The following CYP39A1 variants were observed in gnomAD, a reference collection of about 807,000 sequenced individuals.
CYP39A1 encodes the protein 24-hydroxycholesterol 7-alpha-hydroxylase.
Under a neutral mutation model 58.1 loss-of-function variants are expected in CYP39A1, and 49 were observed. The observed-to-expected ratio is 0.84, with a 90% CI of 0.67 to 1.07. The LOEUF is 1.07. CYP39A1 is among the 50% of genes least tolerant of loss of function. The pLI is 0.00. For missense variants in CYP39A1, 531 were observed against 539.4 expected, an observed-to-expected ratio of 0.98 and a Z score of 0.16; for synonymous variants, 209 against 187.6, an observed-to-expected ratio of 1.11 and a Z score of -0.93.
At position 46,608,283 on chromosome 6, in the gene CYP39A1, GA is replaced by G. The variant is rs578072737; in HGVS notation, c.932-12164del. Among the ~76,000 whole-genome samples the G allele has an allele frequency of 4.1e-3, 617 of 152,254 alleles. 4 individuals are homozygous for G. Among genetic ancestry groups the G allele is most frequent in the Admixed American group, 0.017 (259 of 15,292 alleles). ...CAATTCCTGTGAGAAAATAAGGGCA[GA>G]AAACTGTAACTGTTCAGATTTCTGG... On this transcript the variant is annotated intron_variant, in intron 7 of 11. Transcript: ENST00000275016.
At chr6:46,559,716 G>A (rs1415901744) in intron 10 of CYP39A1, among the ~76,000 whole-genome samples, 2 of 151,970 alleles carry the variant, frequency 1.3e-5, no homozygotes, top group Admixed American at 1.3e-4. Context: ...GAACACCAAG[G>A]GTCAAATTTA....
intron 11 of CYP39A1, among the ~76,000 whole-genome samples, chr6:46,552,890 T>C (rs1582277573): frequency 1.3e-5 from 2 of 151,624 alleles, no homozygotes; most frequent in South Asian, 4.2e-4. Context: ...CTACTAAAAA[T>C]ACAAAAAATT....
chr6:46,608,125 A>G (rs760628286), intron 7 of CYP39A1, among the ~76,000 whole-genome samples: 8 of 152,262 alleles, frequency 5.3e-5, no homozygotes, highest in Non-Finnish European at 1.0e-4. Flanking sequence ...TACAATAGTA[A>G]TATCTTCAAA....
chr6:46,585,841 C>A (rs2150508827), intron 10 of CYP39A1, among the ~76,000 whole-genome samples: 1 of 152,234 alleles, frequency 6.6e-6, no homozygotes, highest in South Asian at 2.1e-4. Context: ...CTACAGACTG[C>A]ACCATCATAC....
intron 10 of CYP39A1, among the ~76,000 whole-genome samples, chr6:46,565,695 A>C (rs1055763298): frequency 6.6e-6 from 1 of 152,156 alleles, no homozygotes; most frequent in Admixed American, 6.6e-5. Context: ...TGCTTGGACC[A>C]AGGAGCAGGG....
chr6:46,609,394 G>A (rs1447739292), intron 7 of CYP39A1, among the ~76,000 whole-genome samples: 2 of 150,084 alleles, frequency 1.3e-5, no homozygotes, highest in Non-Finnish European at 1.5e-5. Context: ...TCCAGCCTGG[G>A]CGACAGCGAG....
intron 8 of CYP39A1, among the ~76,000 whole-genome samples, chr6:46,591,796 AT>A (rs1246129992): frequency 6.6e-6 from 1 of 152,038 alleles, no homozygotes; most frequent in Non-Finnish European, 1.5e-5. Flanking sequence ...CTTTACATTG[AT>A]TTATTAAAAG....
intron 7 of CYP39A1, among the ~76,000 whole-genome samples, chr6:46,611,606 T>C (rs146600357): frequency 5.8e-4 from 88 of 152,326 alleles, no homozygotes; most frequent in African/African-American, 2.1e-3. Context: ...TTCTCTCATA[T>C]TTTAAAAAAG....
intron 7 of CYP39A1, among the ~76,000 whole-genome samples, chr6:46,623,631 T>C (rs1775115982): frequency 6.6e-6 from 1 of 152,194 alleles, no homozygotes; most frequent in Non-Finnish European, 1.5e-5. Flanking sequence ...GAGTTTTCTC[T>C]CTCTCTTTAT....
intron 1 of CYP39A1, among the ~76,000 whole-genome samples, chr6:46,648,061 G>C (rs1465345467): frequency 6.6e-5 from 10 of 152,166 alleles, no homozygotes; most frequent in African/African-American, 2.2e-4. Context: ...TACACTGTTG[G>C]TGGGACTGTA....
In CYP39A1 at chr6:46,652,481, G is replaced by T; in HGVS notation, c.102C>A (p.Gly34=). ...ATCCAACTCCAATCCAAGGAATCCA[G>T]CCCTTGATGCACGGGGGTCTACGCA... The part of the protein sequence containing the change: ...KNLRRPPCIK[G]WIPWIGVGFE... Residue 34 remains glycine, a synonymous_variant, in exon 1 of 12, where the codon GGC becomes GGA. Coordinates refer to ENST00000275016, the MANE Select transcript of CYP39A1 (RefSeq NM_016593.5). 1.2e-6 allele frequency: 2 copies of T among 1,613,928 alleles called. No homozygotes were observed. The highest frequency in any genetic ancestry group is 1.7e-6 in the Non-Finnish European group (2 of 1,179,928).
intron 10 of CYP39A1, among the ~76,000 whole-genome samples, chr6:46,557,384 T>C (rs1441810478): frequency 1.3e-5 from 2 of 151,774 alleles, no homozygotes; most frequent in Admixed American, 6.6e-5. Flanking sequence ...TTCATGCCTG[T>C]AATCTCAGCA....
chr6:46,610,351 G>A (rs1236974836), intron 7 of CYP39A1, among the ~76,000 whole-genome samples: 1 of 152,020 alleles, frequency 6.6e-6, no homozygotes, highest in South Asian at 2.1e-4. Flanking sequence ...TACATTTCAC[G>A]TATACAAAGA....
Position 46,630,020 on chromosome 6 carries a change from C to G in CYP39A1, c.840+943G>C, listed in dbSNP as rs751680517. On this transcript the variant is annotated intron_variant, in intron 6 of 11. Coordinates refer to ENST00000275016, the MANE Select transcript of CYP39A1 (RefSeq NM_016593.5). ...CTGAGGCAGGGGAATCGCTTGAACC[C>G]GGGAAGCAGAGGTTGCAGTGAGCCG... is the stretch of plus-strand genomic sequence containing the variant. Among the ~76,000 whole-genome samples the G allele has an allele frequency of 2.4e-4, 37 of 151,948 alleles. 2 individuals are homozygous for G. The highest frequency in any genetic ancestry group is 7.0e-4 in the African/African-American group (29 of 41,376).
chr6:46,615,006 A>T (rs528702499), intron 7 of CYP39A1, among the ~76,000 whole-genome samples: 1 of 152,096 alleles, frequency 6.6e-6, no homozygotes, highest in African/African-American at 2.4e-5. Context: ...CCATTTCTTT[A>T]TTTCAGTAAC....
At chr6:46,582,754 T>A (rs1772208823) in intron 10 of CYP39A1, among the ~76,000 whole-genome samples, 1 of 152,056 alleles carries the variant, frequency 6.6e-6, no homozygotes, top group Non-Finnish European at 1.5e-5. Flanking sequence ...AGAAATGTTA[T>A]GAGTCTTTGA....
chr6:46,564,451 C>A (rs936321445), intron 10 of CYP39A1, among the ~76,000 whole-genome samples: 1 of 152,080 alleles, frequency 6.6e-6, no homozygotes, highest in African/African-American at 2.4e-5. Context: ...CCATCTCAAC[C>A]TCCCAAAATG....
At chr6:46,607,979 T>C (rs1187293110) in intron 7 of CYP39A1, among the ~76,000 whole-genome samples, 1 of 152,002 alleles carries the variant, frequency 6.6e-6, no homozygotes, top group Admixed American at 6.6e-5. Context: ...GTGCAAAAGA[T>C]CATAGTGCAC....
At chr6:46,565,617 C>A (rs1027421324) in intron 10 of CYP39A1, among the ~76,000 whole-genome samples, 1 of 152,046 alleles carries the variant, frequency 6.6e-6, no homozygotes, top group Non-Finnish European at 1.5e-5. Flanking sequence ...GCCATGGACC[C>A]CCAGGATGAA....
Sources: allele counts gnomAD v4.1 joint callset (sites outside exome capture counted in the v4.1 genomes callset), GRCh38; gene constraint gnomAD v4.1.1; transcripts MANE v1.5; gene names NCBI Gene and HGNC (gene_info 2026-07-23, HGNC 2026-07-21).